SLC39A12: variants seen among roughly 807,000 people sequenced by gnomAD.
The protein encoded by SLC39A12 is solute carrier family 39 member 12, also known as zinc transporter ZIP12.
Under a neutral mutation model 71.1 loss-of-function variants are expected in SLC39A12, and 63 were observed. The ratio of observed to expected loss-of-function variants is 0.89; its 90% confidence interval spans 0.72 to 1.09. SLC39A12 has a LOEUF of 1.09. Ranked by LOEUF, SLC39A12 falls within the 50% of genes least tolerant of loss-of-function variation. The pLI is 0.00. For synonymous variants in SLC39A12, 351 were observed against 301.3 expected (o/e 1.16, Z -1.71); for missense variants, 892 against 812.6 (o/e 1.10, Z -1.19).
rs782219632 is a variant in SLC39A12, at chr10:17,953,575, T to C, written c.261+38T>C. 5.0e-6 allele frequency: 8 copies of C among 1,600,256 alleles called. No individual in the cohort carries two copies. In the African/African-American group the frequency reaches 8.1e-5, roughly 16 times the overall value. ...GAATGGGGTCAGGTATCAGGGCATG[T>C]CCAAAAGAAAGCAATGGATTCTATA... On this transcript the variant is annotated intron_variant, in intron 2 of 12. Transcript: ENST00000377369.
intron 12 of SLC39A12, among the ~76,000 whole-genome samples, chr10:18,030,083 G>C (rs2497780): frequency 0.58 from 85,848 of 148,182 alleles, 25,947 homozygotes; most frequent in Non-Finnish European, 0.68. Context: ...AGTATTGTCA[G>C]AAAAGCAGGT....
intron 4 of SLC39A12, among the ~76,000 whole-genome samples, chr10:17,968,332 G>T (rs1032620923): frequency 6.6e-6 from 1 of 152,028 alleles, no homozygotes; most frequent in Non-Finnish European, 1.5e-5. Context: ...AGAGGAGCCC[G>T]TAGTATTTTC....
At chr10:17,992,857 T>C (rs890956968) in intron 8 of SLC39A12, among the ~76,000 whole-genome samples, 15 of 152,232 alleles carry the variant, frequency 9.9e-5, no homozygotes, top group African/African-American at 3.6e-4. Flanking sequence ...TCCAGAGACA[T>C]TGTTTTAGTA....
chr10:18,001,872 TG>T (rs1244361219), intron 11 of SLC39A12: 1 of 152,174 alleles, frequency 6.6e-6, no homozygotes, highest in African/African-American at 2.4e-5. Flanking sequence ...AATTAAATTA[TG>T]ATGACTGTAG....
At chr10:18,015,605 C>A (rs1001101726) in intron 12 of SLC39A12, among the ~76,000 whole-genome samples, 14 of 149,588 alleles carry the variant, frequency 9.4e-5, no homozygotes, top group African/African-American at 3.5e-4. Flanking sequence ...ACTCTAGTAA[C>A]TCGAAATATG....
intron 12 of SLC39A12, among the ~76,000 whole-genome samples, chr10:18,038,053 C>T (rs1416661829): frequency 1.6e-5 from 1 of 61,278 alleles, no homozygotes; most frequent in East Asian, 4.5e-4. Flanking sequence ...AAAAAAAAAG[C>T]ACAGCTAACT....
intron 10 of SLC39A12, among the ~76,000 whole-genome samples, chr10:17,999,294 C>CAAA (rs59734258): frequency 0.034 from 2,344 of 69,550 alleles, 105 homozygotes; most frequent in African/African-American, 0.041. Flanking sequence ...GACTCCATCT[C>CAAA]AAAAAAAAAA....
At chr10:18,034,476 C>T (rs1431390253) in intron 12 of SLC39A12, among the ~76,000 whole-genome samples, 1 of 151,878 alleles carries the variant, frequency 6.6e-6, no homozygotes. Context: ...CAACCCCTGC[C>T]TTTTTTTGTT....
rs368515548 is a variant in SLC39A12, at chr10:17,965,560, G to A, written c.621G>A (p.Gln207=). ...SEGANESTLP[Q]LAAMIITLSL... is the part of the protein sequence containing the mutation. Reference sequence around the variant, plus strand: ...GTGCTAATGAAAGTACGCTTCCTCAGTTGGCAGCCATGATCATTACTTTGT... The same window carrying A: ...GTGCTAATGAAAGTACGCTTCCTCAATTGGCAGCCATGATCATTACTTTGT... Residue 207 remains glutamine (Q), a synonymous_variant, in exon 4 of 13, where the codon CAG becomes CAA. Coordinates refer to ENST00000377369, the MANE Select transcript of SLC39A12 (RefSeq NM_001145195.2). 3 of 1,614,220 alleles carry A rather than the reference G, an allele frequency of 1.9e-6. No homozygotes were observed. Among genetic ancestry groups the A allele is most frequent in the Non-Finnish European group, 2.5e-6 (3 of 1,180,028 alleles).
At chr10:17,974,235 T>G (rs1225811677) in intron 4 of SLC39A12, among the ~76,000 whole-genome samples, 1 of 152,200 alleles carries the variant, frequency 6.6e-6, no homozygotes, top group Non-Finnish European at 1.5e-5. Context: ...AAGTCACATA[T>G]CTCTGTTTCT....
In SLC39A12 at chr10:17,965,469, G is replaced by T. The variant is rs755132108; in HGVS notation, c.544-14G>T. 9 of 1,610,264 alleles carry T rather than the reference G, an allele frequency of 5.6e-6. No homozygotes were observed. The South Asian group carries it at 9.9e-5, about 18-fold the overall frequency. On this transcript the variant is annotated splice_polypyrimidine_tract_variant and intron_variant, in intron 3 of 12. Transcript: ENST00000377369. ...GATGTTACAATTTTCTCTTTATTTT[G>T]TATCTGATTTCAGTGTATGGAAACC...
chr10:17,979,877 C>T (rs1037398763), intron 5 of SLC39A12, among the ~76,000 whole-genome samples: 2 of 152,122 alleles, frequency 1.3e-5, no homozygotes, highest in Non-Finnish European at 2.9e-5. Flanking sequence ...CTTATAGATG[C>T]AGCATTCTTG....
At chr10:17,967,894 A>AT (rs1476243267) in intron 4 of SLC39A12, among the ~76,000 whole-genome samples, 3 of 117,850 alleles carry the variant, frequency 2.5e-5, no homozygotes, top group Non-Finnish European at 5.1e-5. Flanking sequence ...CTCAAAAAAA[A>AT]AAAAATATAT....
chr10:17,975,691 C>T (rs1835091135), intron 4 of SLC39A12, among the ~76,000 whole-genome samples: 1 of 152,076 alleles, frequency 6.6e-6, no homozygotes, highest in Non-Finnish European at 1.5e-5. Context: ...GTCATGTGCC[C>T]CACTGTCGAA....
chr10:18,004,709 A>G lies in SLC39A12; in HGVS notation c.1947+1351A>G, dbSNP rs78567050. On this transcript the variant is annotated intron_variant, in intron 12 of 12. Coordinates refer to ENST00000377369, the MANE Select transcript of SLC39A12 (RefSeq NM_001145195.2). ...AATTTTGATAGTAAAGTGAAAGTGG[A>G]GCAAATTTTGACCCAGCAATCCCAT... is the stretch of plus-strand genomic sequence containing the variant. Among the ~76,000 whole-genome samples, 1,272 of 152,254 alleles carry G rather than the reference A, an allele frequency of 8.4e-3. 19 individuals are homozygous for G. The highest frequency in any genetic ancestry group is 0.029 in the African/African-American group (1,200 of 41,550).
chr10:17,973,599 T>C (rs1254246904), intron 4 of SLC39A12, among the ~76,000 whole-genome samples: 1 of 152,224 alleles, frequency 6.6e-6, no homozygotes, highest in Non-Finnish European at 1.5e-5. Context: ...AAAAGTCTGC[T>C]GTCAGACATG....
chr10:17,965,416 CAG>C, intron 3 of SLC39A12, 65 bp from the exon 4 acceptor site: 1 of 1,454,300 alleles, frequency 6.9e-7, no homozygotes, highest in Non-Finnish European at 9.5e-7. Flanking sequence ...GGGGAAATTT[CAG>C]AGATGTTAGA....
At position 17,987,643 on chromosome 10, in the gene SLC39A12, A is replaced by G; in HGVS notation, c.1261A>G (p.Ile421Val). Reference protein sequence around the residue: ...TLSGDALLHLIPQVLGLHKQE... With the variant: ...TLSGDALLHLVPQVLGLHKQE... The stretch of plus-strand genomic sequence containing the variant: ...GTCTGGGGACGCTCTGCTCCACCTT[A>G]TCCCTCAGGTAATCTGGTCTTTTCC... Residue 421 changes from isoleucine (I) to valine (V), a missense_variant, in exon 7 of 13, where the codon ATC becomes GTC. Transcript: ENST00000377369. The G allele has an allele frequency of 6.2e-7, 1 of 1,614,096 alleles. No homozygotes were observed.
chr10:17,961,729 A>T lies in SLC39A12; in HGVS notation c.410A>T (p.Asn137Ile), dbSNP rs1834695028. 1 of 1,613,988 alleles carries T rather than the reference A, an allele frequency of 6.2e-7. No individual in the cohort carries two copies. The highest frequency in any genetic ancestry group is 1.3e-5 in the African/African-American group (1 of 74,934). The change falls in exon 3 of 13, where the codon AAT becomes ATT. Residue 137 changes from asparagine (N) to isoleucine (I), a missense_variant. By Grantham distance (149) the Asn-to-Ile change is moderately radical (BLOSUM62 -3). Coordinates refer to ENST00000377369, the MANE Select transcript of SLC39A12 (RefSeq NM_001145195.2). ...EICSSKLNMS[N>I]KEYKFYLHSL... ...TGTTCTTCAAAGCTCAACATGAGTA[A>T]TAAAGAGTATAAATTTTACCTACAC...
Sources: gnomAD v4.1 joint callset for allele counts (sites outside exome capture counted in the v4.1 genomes callset) on GRCh38, gnomAD v4.1.1 for gene constraint, MANE v1.5 for transcripts, NCBI Gene and HGNC (gene_info 2026-07-23, HGNC 2026-07-21) for gene names.